LRRC8E: variants seen among roughly 807,000 people sequenced by gnomAD.
LRRC8E encodes the protein leucine rich repeat containing 8 VRAC subunit E, also known as volume-regulated anion channel subunit LRRC8E.
In LRRC8E, 6 loss-of-function variants were observed where a neutral mutation model predicts 6.1. The ratio of observed to expected loss-of-function variants is 0.98; its 90% CI spans 0.54 to 1.93. LRRC8E has a LOEUF of 1.93. Among genes scored for constraint, LRRC8E ranks in the 30% most tolerant of loss-of-function variants. The pLI is 0.01. For missense variants in LRRC8E, 1,028 were observed against 1,031.4 expected (o/e 1.00, Z 0.04); for synonymous variants, 485 against 472.8 (o/e 1.03, Z -0.33).
rs201620461 is a variant in LRRC8E at position 7,900,356 on chromosome 19, C to A, written c.1834C>A (p.Leu612Ile). 6.2e-7 allele frequency: 1 copy of A among 1,613,118 alleles called. No individual in the cohort carries two copies. The highest frequency in any genetic ancestry group is 2.2e-5 in the East Asian group (1 of 44,874). The change falls in exon 3 of 3, where the codon CTC (leucine) becomes ATC (isoleucine). Residue 612 changes from leucine to isoleucine, a missense_variant. Coordinates refer to ENST00000306708, the MANE Select transcript of LRRC8E (RefSeq NM_025061.6). This position sits in a 1 kb window ranked among gnomAD's most constrained non-coding sequence, Gnocchi z 5.0. ...CCTGGGTGCGCTGCAGGAACTTGAC[C>A]TCAAGGACAACCACCTGCGCTCCAT... is the stretch of plus-strand genomic sequence containing the variant. ...FSLGALQELDLKDNHLRSIEE... is the reference protein window; with the variant it reads ...FSLGALQELDIKDNHLRSIEE...
At position 7,898,676 on chromosome 19, in the gene LRRC8E, A is replaced by C. The variant is rs1298269142; in HGVS notation, c.154A>C (p.Ile52Leu). Reference protein sequence around the residue: ...GCTLQVTQDKIICLPNHELQE... With the variant: ...GCTLQVTQDKLICLPNHELQE... ...TGCTCCTCAGGTGACACAGGACAAG[A>C]TCATCTGTCTACCCAATCATGAGCT... The change falls in exon 3 of 3, where the codon ATC becomes CTC. Residue 52 changes from isoleucine to leucine, a missense_variant. By Grantham distance (5) the Ile-to-Leu change is conservative (BLOSUM62 2). Transcript: ENST00000306708. 1 of 1,608,182 alleles carries C rather than the reference A, an allele frequency of 6.2e-7. No homozygotes were observed. Among genetic ancestry groups the C allele is most frequent in the Non-Finnish European group, 8.5e-7 (1 of 1,176,312 alleles).
intron 1 of LRRC8E, among the ~76,000 whole-genome samples, chr19:7,890,124 T>C (rs961303074): frequency 6.6e-6 from 1 of 151,970 alleles, no homozygotes; most frequent in Non-Finnish European, 1.5e-5. Flanking sequence ...CTGCTGGATG[T>C]TTCTTGCTTC....
At chr19:7,896,247 T>C (rs1008853258) in intron 2 of LRRC8E, among the ~76,000 whole-genome samples, 2 of 149,138 alleles carry the variant, frequency 1.3e-5, no homozygotes, top group Admixed American at 1.3e-4. Flanking sequence ...ACCCTTTCTT[T>C]TTTTTTCTTT....
rs756637973 is a variant in LRRC8E at position 7,899,150 on chromosome 19, C to T, written c.628C>T (p.Pro210Ser). Residue 210 changes from proline to serine, a missense_variant, in exon 3 of 3, where the codon CCG (proline) becomes TCG (serine). Transcript: ENST00000306708. ...EGEKEKVLAE[P>S]EKVVTEPPVV... ...TGAGAAGGAGAAAGTGCTGGCGGAA[C>T]CGGAGAAGGTGGTGACCGAGCCTCC... 3 of 1,613,722 alleles carry T rather than the reference C, an allele frequency of 1.9e-6. No individual in the cohort carries two copies. Among genetic ancestry groups the T allele is most frequent in the Non-Finnish European group, 2.5e-6 (3 of 1,179,772 alleles).
In LRRC8E at chr19:7,901,915, G is replaced by A. The variant is rs1982045811; in HGVS notation, c.*1002G>A. The stretch of plus-strand genomic sequence containing the variant: ...ACTTCCTAAGGTGGGTGGACTGCAG[G>A]GTTAGGACACCTGCTATAGAGGTGA... On this transcript the variant is annotated 3_prime_UTR_variant, in exon 3 of 3. Coordinates refer to ENST00000306708, the MANE Select transcript of LRRC8E (RefSeq NM_025061.6). 1 of 152,116 alleles carries A rather than the reference G, an allele frequency of 6.6e-6. No homozygotes were observed. The allele number at this position is 152,116 out of a possible 1,614,324, so 9.4% of individuals were successfully genotyped here.
rs3745384 is a variant in LRRC8E at position 7,900,667 on chromosome 19, C to T, written c.2145C>T (p.Pro715=). ...ALSYNALEAL[P]EELFFCRKLR... Reference sequence around the variant, plus strand: ...CCTACAATGCCCTGGAGGCCCTGCCCGAAGAGCTCTTCTTCTGCCGCAAGC... The same window carrying T: ...CCTACAATGCCCTGGAGGCCCTGCCTGAAGAGCTCTTCTTCTGCCGCAAGC... Residue 715 remains proline, a synonymous_variant, in exon 3 of 3, where the codon CCC becomes CCT. Transcript: ENST00000306708. The surrounding 1 kb of genome is among the most constrained non-coding windows in gnomAD (Gnocchi z 5.0). 19 of 1,613,456 alleles carry T rather than the reference C, an allele frequency of 1.2e-5. No individual in the cohort carries two copies. The highest frequency in any genetic ancestry group is 5.5e-5 in the South Asian group (5 of 91,086).
At chr19:7,898,217 CAA>C in intron 2 of LRRC8E, among the ~76,000 whole-genome samples, 1 of 127,446 alleles carries the variant, frequency 7.8e-6, no homozygotes, top group Non-Finnish European at 1.7e-5. Flanking sequence ...AAAAAAAAAC[CAA>C]AAAAAAAAAA....
chr19:7,889,754 C>CTTTT (rs556208936), intron 1 of LRRC8E, among the ~76,000 whole-genome samples: 1 of 120,984 alleles, frequency 8.3e-6, no homozygotes, highest in Non-Finnish European at 1.9e-5. Flanking sequence ...CTCTCTCTCT[C>CTTTT]TTTTTTTTTT....
chr19:7,900,752 C>T lies in LRRC8E; in HGVS notation c.2230C>T (p.Leu744Phe), dbSNP rs1309381398. ...LSQLSPHVGA[L>F]RALSRLELKG... ...CCAGCTCTCGCCCCACGTGGGTGCC[C>T]TCAGAGCCCTCAGCCGCCTGGAGCT... The change falls in exon 3 of 3, where the codon CTC becomes TTC. Residue 744 changes from leucine to phenylalanine, a missense_variant. Leu to Phe is a conservative substitution (Grantham distance 22). Coordinates refer to ENST00000306708, the MANE Select transcript of LRRC8E (RefSeq NM_025061.6). This position sits in a 1 kb window ranked among gnomAD's most constrained non-coding sequence, Gnocchi z 5.0. 1 of 1,611,646 alleles carries T rather than the reference C, an allele frequency of 6.2e-7. No homozygotes were observed. Among genetic ancestry groups the T allele is most frequent in the African/African-American group, 1.3e-5 (1 of 74,912 alleles).
Position 7,895,423 on chromosome 19 carries a change from G to T in LRRC8E, c.-5-176G>T. ...CTGGGCAGGTGGTGACGTCTGCATG[G>T]AGGGTGACTAAGGCCAGGCTAAGAG... On this transcript the variant is annotated intron_variant, in intron 1 of 2. Transcript: ENST00000306708. The surrounding 1 kb of genome is among the most constrained non-coding windows in gnomAD (Gnocchi z 4.7). 1 of 712,014 alleles carries T rather than the reference G, an allele frequency of 1.4e-6. No homozygotes were observed. The highest frequency in any genetic ancestry group is 2.3e-6 in the Non-Finnish European group (1 of 428,412). 44.1% of individuals were successfully genotyped at this position (712,014 alleles called of 1,614,324 possible). A position where few individuals can be genotyped will look rare whatever the true frequency, so the allele number is the denominator to read the frequency against.
In LRRC8E at chr19:7,900,984, C is replaced by T. The variant is rs1343214703; in HGVS notation, c.*71C>T. 8.9e-7 allele frequency: 1 copy of T among 1,118,784 alleles called. No homozygotes were observed. Among genetic ancestry groups the T allele is most frequent in the East Asian group, 2.5e-5 (1 of 40,268 alleles). 69.3% of individuals were successfully genotyped at this position (1,118,784 alleles called of 1,614,324 possible). A position where few individuals can be genotyped will look rare whatever the true frequency, so the allele number is the denominator to read the frequency against. Reference sequence around the variant, plus strand: ...CCCTGGAATCTCAACCATTGTCTTCCAAGATAGGAAGCCAAGTGGGTCCAG... The same window carrying T: ...CCCTGGAATCTCAACCATTGTCTTCTAAGATAGGAAGCCAAGTGGGTCCAG... On this transcript the variant is annotated 3_prime_UTR_variant, in exon 3 of 3. Transcript: ENST00000306708. This position sits in a 1 kb window ranked among gnomAD's most constrained non-coding sequence, Gnocchi z 5.0.
At position 7,895,693 on chromosome 19, in the gene LRRC8E, C is replaced by T; in HGVS notation, c.90C>T (p.Tyr30=). ...LKPWWDVLAE[Y]LTVAMLMIGV... ...CCTGGTGGGACGTGCTGGCCGAGTA[C>T]CTCACCGTGGCCATGCTCATGATTG... Residue 30 remains tyrosine, a synonymous_variant, in exon 2 of 3, where the codon TAC becomes TAT. Transcript: ENST00000306708. The surrounding 1 kb of genome is among the most constrained non-coding windows in gnomAD (Gnocchi z 4.7). The T allele has an allele frequency of 1.2e-6, 2 of 1,614,100 alleles. No homozygotes were observed. Among genetic ancestry groups the T allele is most frequent in the African/African-American group, 1.3e-5 (1 of 75,036 alleles).
In LRRC8E at chr19:7,899,993, G is replaced by A. The variant is rs763230673; in HGVS notation, c.1471G>A (p.Val491Ile). 51 of 1,609,296 alleles carry A rather than the reference G, an allele frequency of 3.2e-5. No homozygotes were observed. The highest frequency in any genetic ancestry group is 3.9e-5 in the Non-Finnish European group (46 of 1,179,520). ...FLRDHLKVMR[V>I]KCEELREVPL... is the part of the protein sequence containing the mutation. ...GCGGGACCACCTGAAGGTGATGCGC[G>A]TCAAATGCGAGGAGCTCCGCGAGGT... is the stretch of plus-strand genomic sequence containing the variant. Residue 491 changes from valine (V) to isoleucine (I), a missense_variant, in exon 3 of 3, where the codon GTC becomes ATC. Transcript: ENST00000306708.
intron 2 of LRRC8E, among the ~76,000 whole-genome samples, chr19:7,897,600 C>T (rs541937517): frequency 2.0e-5 from 3 of 150,726 alleles, no homozygotes; most frequent in South Asian, 2.1e-4. Context: ...CTACCACCCC[C>T]GCTTGGCCCC....
rs5826989 is a variant in LRRC8E, at chr19:7,901,714, C to CA, written c.*815dup. 43,888 of 140,816 alleles carry CA rather than the reference C, an allele frequency of 0.31. 7,524 individuals carry two copies. Among genetic ancestry groups the CA allele is most frequent in the South Asian group, 0.44 (1,957 of 4,454 alleles). 8.7% of individuals were successfully genotyped at this position (140,816 alleles called of 1,614,324 possible). A position where few individuals can be genotyped will look rare whatever the true frequency, so the allele number is the denominator to read the frequency against. On this transcript the variant is annotated 3_prime_UTR_variant, in exon 3 of 3. Coordinates refer to ENST00000306708, the MANE Select transcript of LRRC8E (RefSeq NM_025061.6). ...TAACATAGCGAGACCCCACCTCTGC[C>CA]AAAAAAAAAAAAAATAGGGTATCCA...
In LRRC8E at chr19:7,900,012, G is replaced by C. The variant is rs558407711; in HGVS notation, c.1490G>C (p.Arg497Pro). 6 of 1,609,514 alleles carry C rather than the reference G, an allele frequency of 3.7e-6. No individual in the cohort carries two copies. The South Asian group carries it at 6.6e-5, about 18-fold the overall frequency. The change falls in exon 3 of 3, where the codon CGC (arginine) becomes CCC (proline). Residue 497 changes from arginine (R) to proline (P), a missense_variant. Coordinates refer to ENST00000306708, the MANE Select transcript of LRRC8E (RefSeq NM_025061.6). The surrounding 1 kb of genome is among the most constrained non-coding windows in gnomAD (Gnocchi z 5.0). Reference protein sequence around the residue: ...KVMRVKCEELREVPLWVFGLR... With the variant: ...KVMRVKCEELPEVPLWVFGLR... ...ATGCGCGTCAAATGCGAGGAGCTCCGCGAGGTGCCGCTTTGGGTGTTTGGG... is the reference window on the plus strand; with the variant it reads ...ATGCGCGTCAAATGCGAGGAGCTCCCCGAGGTGCCGCTTTGGGTGTTTGGG...
At chr19:7,894,985 AGGGCTGACT>A (rs1007876797) in intron 1 of LRRC8E, 4 of 152,568 alleles carry the variant, frequency 2.6e-5, no homozygotes, top group African/African-American at 9.6e-5. Context: ...TCCTACCCCC[AGGGCTGACT>A]AGCCTTCAGC....
chr19:7,896,965 AC>A (rs1981628734), intron 2 of LRRC8E, among the ~76,000 whole-genome samples: 1 of 152,128 alleles, frequency 6.6e-6, no homozygotes. Flanking sequence ...TGAGTTTGTT[AC>A]TTCTGTTGTA....
intron 1 of LRRC8E, among the ~76,000 whole-genome samples, chr19:7,891,549 G>GTGTGTT (rs766692026): frequency 0.034 from 4,931 of 145,384 alleles, 98 homozygotes; most frequent in Admixed American, 0.063. Context: ...GTGTGTGTTT[G>GTGTGTT]TGTGTGTGTG....
Sources: gnomAD v4.1 joint callset for allele counts (sites outside exome capture counted in the v4.1 genomes callset) on GRCh38, gnomAD v4.1.1 for gene constraint, Gnocchi (gnomAD v3.1) non-coding constraint, MANE v1.5 for transcripts, NCBI Gene and HGNC (gene_info 2026-07-23, HGNC 2026-07-21) for gene names.